The following MMP16 variants were observed in gnomAD, a reference collection of about 807,000 sequenced individuals.
MMP16 encodes matrix metalloproteinase-16.
A neutral mutation model predicts 67.8 loss-of-function variants in MMP16; 12 were observed. That is an observed-to-expected ratio of 0.18 (90% CI 0.11 to 0.29). MMP16 has a LOEUF of 0.29. Among genes scored for constraint, MMP16 ranks in the 10% least tolerant of loss-of-function variants. MMP16 has a pLI of 1.00. For synonymous variants in MMP16, 249 were observed against 255.9 expected (o/e 0.97, Z 0.26); for missense variants, 475 against 765.7 (o/e 0.62, Z 4.48).
intron 7 of MMP16, among the ~76,000 whole-genome samples, chr8:88,061,732 T>C (rs947638055): frequency 1.3e-5 from 2 of 152,132 alleles, no homozygotes; most frequent in Non-Finnish European, 2.9e-5. Context: ...GTTATTATTC[T>C]ACTTAAAAAA....
At chr8:88,141,511 C>T (rs751035451) in intron 4 of MMP16, among the ~76,000 whole-genome samples, 99 of 152,146 alleles carry the variant, frequency 6.5e-4, no homozygotes, top group Non-Finnish European at 1.3e-3. Flanking sequence ...AACCTGAATC[C>T]CCACCTACAA....
chr8:88,281,520 T>G (rs1810736003), intron 1 of MMP16, among the ~76,000 whole-genome samples: 1 of 152,200 alleles, frequency 6.6e-6, no homozygotes, highest in Non-Finnish European at 1.5e-5. Context: ...GTTGTGGATG[T>G]TAATATCAGA....
intron 6 of MMP16, among the ~76,000 whole-genome samples, chr8:88,101,095 C>G (rs897591417): frequency 2.6e-5 from 4 of 151,676 alleles, no homozygotes; most frequent in African/African-American, 9.7e-5. Context: ...GCACGTTGTG[C>G]ACATGTACCC....
At chr8:88,131,470 T>C (rs922491251) in intron 4 of MMP16, among the ~76,000 whole-genome samples, 1 of 151,778 alleles carries the variant, frequency 6.6e-6, no homozygotes, top group Non-Finnish European at 1.5e-5. Context: ...CAAGAATATA[T>C]TGTCCACTGT....
chr8:88,279,245 C>A (rs1810695218), intron 1 of MMP16, among the ~76,000 whole-genome samples: 1 of 150,830 alleles, frequency 6.6e-6, no homozygotes, highest in Non-Finnish European at 1.5e-5. Context: ...AGAAGCAATG[C>A]ATAAAAAATG....
chr8:88,073,194 T>C (rs28991888), intron 7 of MMP16, among the ~76,000 whole-genome samples: 98 of 152,288 alleles, frequency 6.4e-4, no homozygotes, highest in African/African-American at 2.3e-3. Context: ...TTCCCTCCAA[T>C]ATCATGTCAC....
intron 4 of MMP16, among the ~76,000 whole-genome samples, chr8:88,141,656 T>G (rs191585528): frequency 1.3e-5 from 2 of 152,330 alleles, no homozygotes; most frequent in East Asian, 3.9e-4. Context: ...CTTAACAGAA[T>G]TTGATATTCA....
chr8:88,155,090 T>G (rs1357102489), intron 4 of MMP16, among the ~76,000 whole-genome samples: 1 of 152,100 alleles, frequency 6.6e-6, no homozygotes, highest in Non-Finnish European at 1.5e-5. Flanking sequence ...ATCAGACTTC[T>G]GTGTTAACAT....
chr8:88,149,237 G>A (rs1047834835), intron 4 of MMP16, among the ~76,000 whole-genome samples: 1 of 152,222 alleles, frequency 6.6e-6, no homozygotes, highest in Non-Finnish European at 1.5e-5. Context: ...CTGATTGCTA[G>A]CACAGCAGTC....
intron 1 of MMP16, among the ~76,000 whole-genome samples, chr8:88,236,202 G>T (rs890619521): frequency 6.6e-6 from 1 of 152,226 alleles, no homozygotes; most frequent in Non-Finnish European, 1.5e-5. Flanking sequence ...TTACAGGGCA[G>T]GGTGCTAGAA....
intron 1 of MMP16, among the ~76,000 whole-genome samples, chr8:88,238,688 AGACGT>A (rs1302514315): frequency 6.7e-6 from 1 of 149,856 alleles, no homozygotes; most frequent in African/African-American, 2.5e-5. Context: ...AAAAAAAAAA[AGACGT>A]GGGCTCTTTG....
intron 8 of MMP16, among the ~76,000 whole-genome samples, chr8:88,049,441 G>T (rs1808242229): frequency 6.6e-6 from 1 of 152,144 alleles, no homozygotes; most frequent in African/African-American, 2.4e-5. Context: ...AAATATCTCA[G>T]TGGGGTTTAC....
chr8:88,142,752 T>C (rs1395379347), intron 4 of MMP16, among the ~76,000 whole-genome samples: 2 of 152,162 alleles, frequency 1.3e-5, no homozygotes, highest in African/African-American at 4.8e-5. Context: ...TGGATTGTCA[T>C]ATTTAACTTG....
chr8:88,160,454 C>T (rs74608516), intron 4 of MMP16, among the ~76,000 whole-genome samples: 2 of 151,878 alleles, frequency 1.3e-5, no homozygotes, highest in African/African-American at 2.4e-5. Flanking sequence ...CAAACAACCC[C>T]ATCAAAAAGT....
intron 4 of MMP16, among the ~76,000 whole-genome samples, chr8:88,125,543 C>T (rs973037859): frequency 6.6e-6 from 1 of 151,774 alleles, no homozygotes; most frequent in Admixed American, 6.6e-5. Flanking sequence ...CCTACGTATA[C>T]GTTAGTCAGG....
rs530617412 is a variant in MMP16, at chr8:88,051,681, G to T, written c.1373+4447C>A. ...AACACTTAAGCTGGAAGAAATAAAC[G>T]TATTTTTCTATTTGACTGTTAGTGA... On this transcript the variant is annotated intron_variant, in intron 8 of 9. Coordinates refer to ENST00000286614, the MANE Select transcript of MMP16 (RefSeq NM_005941.5). Among the ~76,000 whole-genome samples the T allele has an allele frequency of 2.6e-5, 4 of 152,062 alleles. No homozygotes were observed. The East Asian group carries it at 7.7e-4, about 29-fold the overall frequency.
rs546905440 is a variant in MMP16 at position 88,234,745 on chromosome 8, A to G, written c.133-37439T>C. Among the ~76,000 whole-genome samples, 12 of 152,354 alleles carry G rather than the reference A, an allele frequency of 7.9e-5. No homozygotes were observed. In the East Asian group the frequency reaches 2.1e-3, roughly 27 times the overall value. ...CCTGCTGTAAAGCAGGGCAGTCAAA[A>G]AAGGTTACAGACTGATGGAAGAAAG... On this transcript the variant is annotated intron_variant, in intron 1 of 9. Transcript: ENST00000286614.
intron 6 of MMP16, among the ~76,000 whole-genome samples, chr8:88,075,938 T>TACACACACACACACAC (rs71556442): frequency 0.054 from 7,540 of 140,328 alleles, 264 homozygotes; most frequent in Admixed American, 0.089. Flanking sequence ...CATATATTCA[T>TACACACACACACACAC]ACACACACAC....
At chr8:88,177,257 T>A (rs1382104946) in intron 3 of MMP16, among the ~76,000 whole-genome samples, 1 of 152,218 alleles carries the variant, frequency 6.6e-6, no homozygotes, top group Non-Finnish European at 1.5e-5. Context: ...GGTCTTGCAG[T>A]CTCTGCTTCG....
Sources: gnomAD v4.1 joint callset for allele counts (sites outside exome capture counted in the v4.1 genomes callset) on GRCh38, gnomAD v4.1.1 for gene constraint, MANE v1.5 for transcripts, NCBI Gene and HGNC (gene_info 2026-07-23, HGNC 2026-07-21) for gene names.